Variants in KCNK12 observed in about 807,000 individuals in gnomAD.
The protein encoded by KCNK12 is potassium two pore domain channel subfamily K member 12.
A neutral mutation model predicts 25.3 loss-of-function variants in KCNK12; 6 were observed. The ratio of observed to expected loss-of-function variants is 0.24; its 90% CI spans 0.13 to 0.47. The LOEUF (loss-of-function observed/expected upper bound fraction) is 0.47. KCNK12 is among the 20% of genes least tolerant of loss of function. The probability of loss-of-function intolerance (pLI) is 0.99; values close to 1 mark genes in which losing one functional copy is unlikely to be tolerated. For synonymous variants in KCNK12, 331 were observed against 311.1 expected (o/e 1.06, Z -0.67); for missense variants, 444 against 661.7 (o/e 0.67, Z 3.61).
intron 1 of KCNK12, among the ~76,000 whole-genome samples, chr2:47,535,421 C>T (rs376442216): frequency 9.2e-5 from 14 of 152,030 alleles, no homozygotes; most frequent in East Asian, 5.8e-4. Flanking sequence ...CACTGGACTG[C>T]GGCTGAGGGG....
intron 1 of KCNK12, among the ~76,000 whole-genome samples, chr2:47,522,123 G>T (rs1668672389): frequency 6.6e-6 from 1 of 152,198 alleles, no homozygotes; most frequent in Non-Finnish European, 1.5e-5. Context: ...AGAAACCACT[G>T]CTGCACAGGT....
In KCNK12 at chr2:47,570,227, G is replaced by A; in HGVS notation, c.105C>T (p.Asp35=). The change falls in exon 1 of 2, where the codon GAC becomes GAT. Residue 35 remains aspartate (D), a synonymous_variant. Coordinates refer to ENST00000327876, the MANE Select transcript of KCNK12 (RefSeq NM_022055.2). ...CCGCCAGCAGCACGAAGCGGCCGGTGTCCTCGTTGAGGTGCGAACGGCGGC... is the reference window on the plus strand; with the variant it reads ...CCGCCAGCAGCACGAAGCGGCCGGTATCCTCGTTGAGGTGCGAACGGCGGC... The part of the protein sequence containing the change: ...CCCRRSHLNE[D]TGRFVLLAAL... 1.3e-6 allele frequency: 2 copies of A among 1,482,820 alleles called. No homozygotes were observed. The highest frequency in any genetic ancestry group is 1.8e-6 in the Non-Finnish European group (2 of 1,119,316). 91.9% of individuals were successfully genotyped at this position (1,482,820 alleles called of 1,614,324 possible).
intron 1 of KCNK12, chr2:47,561,967 AG>A (rs978985595): frequency 2.5e-6 from 1 of 397,794 alleles, no homozygotes; most frequent in Admixed American, 4.4e-5. Context: ...CCCTTCTTTT[AG>A]TAAGGGAGAA....
rs562510678 is a variant in KCNK12 at position 47,548,730 on chromosome 2, G to C, written c.391+21211C>G. Among the ~76,000 whole-genome samples the C allele has an allele frequency of 1.4e-4, 22 of 152,314 alleles. No individual in the cohort carries two copies. In the South Asian group the frequency reaches 3.5e-3, roughly 24 times the overall value. On this transcript the variant is annotated intron_variant, in intron 1 of 1. Transcript: ENST00000327876. This position sits in a 1 kb window ranked among gnomAD's most constrained non-coding sequence, Gnocchi z 4.4. Reference sequence around the variant, plus strand: ...CAGACATTGGAAAAAAGGTAGTTCAGGATTATGGTCCCTGAGAGAAGGGAA... The same window carrying C: ...CAGACATTGGAAAAAAGGTAGTTCACGATTATGGTCCCTGAGAGAAGGGAA...
At chr2:47,552,777 G>GAAAAAAAAAGA (rs1188092521) in intron 1 of KCNK12, among the ~76,000 whole-genome samples, 20 of 149,806 alleles carry the variant, frequency 1.3e-4, no homozygotes, top group African/African-American at 4.7e-4. Flanking sequence ...CCAAAAAAAA[G>GAAAAAAAAAGA]AAAAAAAAAG....
At chr2:47,522,367 G>C (rs968500841) in intron 1 of KCNK12, among the ~76,000 whole-genome samples, 4 of 152,168 alleles carry the variant, frequency 2.6e-5, no homozygotes, top group Non-Finnish European at 4.4e-5. Context: ...TACCAGTCTT[G>C]TTACTTGGAA....
In KCNK12 at chr2:47,538,236, A is replaced by G. The variant is rs527307443; in HGVS notation, c.392-16428T>C. 1.3e-5 allele frequency among the ~76,000 whole-genome samples: 2 copies of G among 152,222 alleles called. No individual in the cohort carries two copies. Among genetic ancestry groups the G allele is most frequent in the Non-Finnish European group, 2.9e-5 (2 of 68,026 alleles). ...TATGGGAGATGGAATAATAAACTAC[A>G]AACAATTACGTGGCCTGTGAGAAAG... On this transcript the variant is annotated intron_variant, in intron 1 of 1. Transcript: ENST00000327876. The surrounding 1 kb of genome is among the most constrained non-coding windows in gnomAD (Gnocchi z 4.5).
rs551783308 is a variant in KCNK12, at chr2:47,560,229, C to G, written c.391+9712G>C. On this transcript the variant is annotated intron_variant, in intron 1 of 1. Coordinates refer to ENST00000327876, the MANE Select transcript of KCNK12 (RefSeq NM_022055.2). This position sits in a 1 kb window ranked among gnomAD's most constrained non-coding sequence, Gnocchi z 4.7. ...GAGGGTTCTCAGGTCTGGGCGGGAG[C>G]TCGGTCCTCTTCAACAAGTTCCCAG... Among the ~76,000 whole-genome samples, 5 of 152,194 alleles carry G rather than the reference C, an allele frequency of 3.3e-5. No individual in the cohort carries two copies. The highest frequency in any genetic ancestry group is 6.5e-5 in the Admixed American group (1 of 15,286).
Position 47,562,649 on chromosome 2 carries a change from T to C in KCNK12, c.391+7292A>G, listed in dbSNP as rs1669703129. ...TCCTGGGGCCAGAGTCTCATAGCAGTGGTAGCCAAGAGTTGGCTTAGGGTG... is the reference window on the plus strand; with the variant it reads ...TCCTGGGGCCAGAGTCTCATAGCAGCGGTAGCCAAGAGTTGGCTTAGGGTG... On this transcript the variant is annotated intron_variant, in intron 1 of 1. Coordinates refer to ENST00000327876, the MANE Select transcript of KCNK12 (RefSeq NM_022055.2). The surrounding 1 kb of genome is among the most constrained non-coding windows in gnomAD (Gnocchi z 4.8). The C allele has an allele frequency of 8.6e-6, 2 of 233,054 alleles. No individual in the cohort carries two copies. Among genetic ancestry groups the C allele is most frequent in the African/African-American group, 4.4e-5 (2 of 45,294 alleles). 14.4% of individuals were successfully genotyped at this position (233,054 alleles called of 1,614,324 possible).
chr2:47,570,140 G>A lies in KCNK12; in HGVS notation c.192C>T (p.Gly64=), dbSNP rs372511487. The A allele has an allele frequency of 7.3e-4, 1,060 of 1,452,876 alleles. 6 individuals are homozygous for A. In the African/African-American group the frequency reaches 0.012, roughly 17 times the overall value. The allele number at this position is 1,452,876 out of a possible 1,614,324, so 90.0% of individuals were successfully genotyped here. ...CCCAGCGCGCCCGCGCCTCCGCCTC[G>A]CCGGGGCTCTCGAGCGCCGAGAAGA... ...ATVFSALESP[G]EAEARARWGA... Residue 64 remains glycine (G), a synonymous_variant, in exon 1 of 2, where the codon GGC becomes GGT. Coordinates refer to ENST00000327876, the MANE Select transcript of KCNK12 (RefSeq NM_022055.2).
At chr2:47,552,004 C>T (rs149611948) in intron 1 of KCNK12, among the ~76,000 whole-genome samples, 208 of 152,150 alleles carry the variant, frequency 1.4e-3, no homozygotes, top group Middle Eastern at 6.8e-3. Context: ...GCCCTGGGGA[C>T]GACCGGTGGT....
At position 47,521,102 on chromosome 2, in the gene KCNK12, G is replaced by T; in HGVS notation, c.1098C>A (p.Gly366=). Residue 366 remains glycine (G), a synonymous_variant, in exon 2 of 2, where the codon GGC becomes GGA. Transcript: ENST00000327876. ...DSDAEGRRLS[G]ELISMRDLTA... ...TGAGGTCGCGCATGGAGATGAGCTC[G>T]CCCGAGAGGCGGCGGCCCTCGGCGT... is the stretch of plus-strand genomic sequence containing the variant. The T allele has an allele frequency of 7.7e-7, 1 of 1,296,342 alleles. No individual in the cohort carries two copies. Among genetic ancestry groups the T allele is most frequent in the Non-Finnish European group, 9.8e-7 (1 of 1,022,980 alleles). 80.3% of individuals were successfully genotyped at this position (1,296,342 alleles called of 1,614,324 possible).
chr2:47,546,296 T>A (rs967094974), intron 1 of KCNK12, among the ~76,000 whole-genome samples: 1 of 152,272 alleles, frequency 6.6e-6, no homozygotes, highest in African/African-American at 2.4e-5. Context: ...CTGATGAAGA[T>A]GCACTTAAAA....
At chr2:47,544,474 C>T (rs996877685) in intron 1 of KCNK12, among the ~76,000 whole-genome samples, 1 of 152,280 alleles carries the variant, frequency 6.6e-6, no homozygotes, top group Non-Finnish European at 1.5e-5. Context: ...ATGGCTAACA[C>T]CATTGTTCGC....
chr2:47,567,727 C>T (rs550445010), intron 1 of KCNK12, among the ~76,000 whole-genome samples: 74 of 152,296 alleles, frequency 4.9e-4, no homozygotes, highest in Non-Finnish European at 6.6e-4. Flanking sequence ...TTGGAAGCAA[C>T]GTGCTGGGTC....
At chr2:47,534,868 A>G (rs1321413479) in intron 1 of KCNK12, 1 of 198,454 alleles carries the variant, frequency 5.0e-6, no homozygotes, top group African/African-American at 2.3e-5. Flanking sequence ...CCTCTATCAC[A>G]CAGGAGGAGA....
chr2:47,529,978 C>T lies in KCNK12; in HGVS notation c.392-8170G>A, dbSNP rs936228286. Among the ~76,000 whole-genome samples, 3 of 152,150 alleles carry T rather than the reference C, an allele frequency of 2.0e-5. No individual in the cohort carries two copies. Among genetic ancestry groups the T allele is most frequent in the Non-Finnish European group, 4.4e-5 (3 of 68,018 alleles). ...CTTTTTATTTCCTAAACCTGGCAAC[C>T]CTACTCATGACTCCACTTGTCAGCT... On this transcript the variant is annotated intron_variant, in intron 1 of 1. Transcript: ENST00000327876. The surrounding 1 kb of genome is among the most constrained non-coding windows in gnomAD (Gnocchi z 4.3).
chr2:47,561,802 G>A (rs1482907895), intron 1 of KCNK12, among the ~76,000 whole-genome samples: 2 of 152,206 alleles, frequency 1.3e-5, no homozygotes, highest in Non-Finnish European at 2.9e-5. Flanking sequence ...GAATACTTAA[G>A]AATTAGGACG....
chr2:47,510,286 G>T lies in KCNK12; in HGVS notation c.*10621C>A, dbSNP rs746591631. ...TTACCGATGGCATCACTGTCACTGC[G>T]CTAGCCCCAGACCACCTGCTCCAGA... On this transcript the variant is annotated 3_prime_UTR_variant, in exon 2 of 2. Coordinates refer to ENST00000327876, the MANE Select transcript of KCNK12 (RefSeq NM_022055.2). 6.6e-6 allele frequency: 1 copy of T among 152,164 alleles called. No homozygotes were observed. The highest frequency in any genetic ancestry group is 1.5e-5 in the Non-Finnish European group (1 of 68,018). 9.4% of individuals were successfully genotyped at this position (152,164 alleles called of 1,614,324 possible).
Sources: allele counts gnomAD v4.1 joint callset (sites outside exome capture counted in the v4.1 genomes callset), GRCh38; gene constraint gnomAD v4.1.1; non-coding constraint Gnocchi (gnomAD v3.1); transcripts MANE v1.5; gene names NCBI Gene and HGNC (gene_info 2026-07-23, HGNC 2026-07-21).